Variants in GPC5 observed in about 807,000 individuals in gnomAD.
GPC5 encodes the protein glypican-5.
Under a neutral mutation model 53.9 loss-of-function variants are expected in GPC5, and 47 were observed. The observed-to-expected ratio is 0.87, with a 90% CI of 0.69 to 1.11. GPC5 has a LOEUF of 1.11. Ranked by LOEUF, GPC5 falls within the 50% of genes most tolerant of loss-of-function variation. GPC5 has a pLI of 0.00. For synonymous variants in GPC5, 286 were observed against 263.3 expected (o/e 1.09, Z -0.84); for missense variants, 748 against 713.1 (o/e 1.05, Z -0.56).
chr13:92,486,203 T>G (rs1879546474), intron 7 of GPC5, among the ~76,000 whole-genome samples: 1 of 152,178 alleles, frequency 6.6e-6, no homozygotes, highest in Non-Finnish European at 1.5e-5. Flanking sequence ...GTTAAAATGA[T>G]AGCCCCTGAC....
chr13:92,512,257 C>T (rs2374032), intron 7 of GPC5, among the ~76,000 whole-genome samples: 3,956 of 151,918 alleles, frequency 0.026, 188 homozygotes, highest in African/African-American at 0.09. Context: ...TGTGCGCGCG[C>T]GCGCGCGTAC....
intron 6 of GPC5, among the ~76,000 whole-genome samples, chr13:92,041,241 C>A (rs1306438358): frequency 6.6e-6 from 1 of 152,172 alleles, no homozygotes; most frequent in Non-Finnish European, 1.5e-5. Flanking sequence ...TTTTCAAGAA[C>A]CTGTCAACAA....
chr13:91,929,591 T>C (rs1473264316), intron 6 of GPC5, among the ~76,000 whole-genome samples: 1 of 152,108 alleles, frequency 6.6e-6, no homozygotes, highest in Non-Finnish European at 1.5e-5. Flanking sequence ...AGTTACTTCA[T>C]TTGAAATTTT....
At chr13:92,304,361 C>T (rs558512334) in intron 7 of GPC5, among the ~76,000 whole-genome samples, 18 of 151,874 alleles carry the variant, frequency 1.2e-4, no homozygotes, top group Non-Finnish European at 2.1e-4. Flanking sequence ...CCTGCCACCA[C>T]GCCCGGCTAA....
At chr13:91,822,900 TG>T (rs1166834550) in intron 5 of GPC5, among the ~76,000 whole-genome samples, 4 of 152,146 alleles carry the variant, frequency 2.6e-5, no homozygotes, top group Non-Finnish European at 5.9e-5. Flanking sequence ...GAAAACTTCA[TG>T]TTAGACACAT....
intron 7 of GPC5, among the ~76,000 whole-genome samples, chr13:92,413,994 T>C (rs1234306359): frequency 6.6e-6 from 1 of 152,214 alleles, no homozygotes; most frequent in African/African-American, 2.4e-5. Flanking sequence ...TTTCATTCTA[T>C]AACTAGGAGT....
At chr13:92,596,832 C>T (rs539967242) in intron 7 of GPC5, among the ~76,000 whole-genome samples, 3 of 152,172 alleles carry the variant, frequency 2.0e-5, no homozygotes, top group Admixed American at 2.0e-4. Context: ...AAAACAGGCT[C>T]CTTATGAATT....
At chr13:92,643,063 A>T (rs12867997) in intron 7 of GPC5, among the ~76,000 whole-genome samples, 3 of 151,826 alleles carry the variant, frequency 2.0e-5, no homozygotes, top group African/African-American at 4.8e-5. Flanking sequence ...CCACTTTTTG[A>T]TGGGGTTGTT....
chr13:91,833,201 T>A (rs1354571090), intron 5 of GPC5, among the ~76,000 whole-genome samples: 4 of 152,038 alleles, frequency 2.6e-5, no homozygotes, highest in Admixed American at 1.3e-4. Flanking sequence ...CAGGAAGAAG[T>A]CAAATCCCTG....
intron 2 of GPC5, among the ~76,000 whole-genome samples, chr13:91,522,059 C>G (rs1276202152): frequency 1.3e-5 from 2 of 152,208 alleles, no homozygotes; most frequent in East Asian, 3.8e-4. Flanking sequence ...ACCTCTGTGC[C>G]CTCCCCAGGA....
At chr13:92,102,189 A>C (rs2138913629) in intron 6 of GPC5, among the ~76,000 whole-genome samples, 1 of 152,304 alleles carries the variant, frequency 6.6e-6, no homozygotes, top group African/African-American at 2.4e-5. Flanking sequence ...AGAGGGAGAT[A>C]CAATATAAGA....
chr13:92,256,694 A>G (rs1474409264), intron 7 of GPC5, among the ~76,000 whole-genome samples: 10 of 152,052 alleles, frequency 6.6e-5, no homozygotes, highest in Admixed American at 6.6e-4. Context: ...AATCTGTACC[A>G]ATTAAAAGCA....
intron 7 of GPC5, among the ~76,000 whole-genome samples, chr13:92,369,156 C>A (rs2043630726): frequency 6.6e-6 from 1 of 152,160 alleles, no homozygotes; most frequent in Non-Finnish European, 1.5e-5. Flanking sequence ...ATCAATGCAC[C>A]TTTAGAACTG....
chr13:91,446,863 G>A (rs747936628), intron 1 of GPC5, among the ~76,000 whole-genome samples: 3 of 152,236 alleles, frequency 2.0e-5, no homozygotes, highest in Non-Finnish European at 4.4e-5. Context: ...GGAGAGATAA[G>A]TCAATCTTTG....
chr13:92,558,767 C>T (rs184013695), intron 7 of GPC5, among the ~76,000 whole-genome samples: 1 of 151,950 alleles, frequency 6.6e-6, no homozygotes, highest in Admixed American at 6.6e-5. Flanking sequence ...TACTATTTAG[C>T]ACATATAGTA....
At chr13:92,337,705 C>A (rs1393627630) in intron 7 of GPC5, among the ~76,000 whole-genome samples, 1 of 152,058 alleles carries the variant, frequency 6.6e-6, no homozygotes, top group Non-Finnish European at 1.5e-5. Flanking sequence ...TGCGATGGTG[C>A]AAAATAGTCT....
intron 3 of GPC5, among the ~76,000 whole-genome samples, chr13:91,715,808 G>C: frequency 6.8e-6 from 1 of 147,718 alleles, no homozygotes; most frequent in African/African-American, 2.5e-5. Context: ...CTCTGTGTGT[G>C]TGTCACCCAG....
chr13:92,300,145 T>C (rs1038340954), intron 7 of GPC5, among the ~76,000 whole-genome samples: 2 of 152,194 alleles, frequency 1.3e-5, no homozygotes, highest in Non-Finnish European at 2.9e-5. Context: ...ACACTTTCCA[T>C]TTGCAGACTA....
At chr13:91,526,182 A>G (rs1886078666) in intron 2 of GPC5, among the ~76,000 whole-genome samples, 1 of 152,216 alleles carries the variant, frequency 6.6e-6, no homozygotes, top group Non-Finnish European at 1.5e-5. Flanking sequence ...ACAGAAGGAG[A>G]GACGATTTTA....
Sources: allele counts gnomAD v4.1 joint callset (sites outside exome capture counted in the v4.1 genomes callset), GRCh38; gene constraint gnomAD v4.1.1; transcripts MANE v1.5; gene names NCBI Gene and HGNC (gene_info 2026-07-23, HGNC 2026-07-21).